The following EP400 variants were observed in gnomAD, a reference collection of about 807,000 sequenced individuals.
EP400 encodes E1A-binding protein p400.
Under a neutral mutation model 354.1 loss-of-function variants are expected in EP400, and 105 were observed. That is an observed-to-expected ratio of 0.30 (90% CI 0.25 to 0.35). EP400 has a LOEUF of 0.35. Ranked by LOEUF, EP400 falls within the 10% of genes least tolerant of loss-of-function variation. The probability of loss-of-function intolerance (pLI) is 1.00; values close to 1 mark genes in which losing one functional copy is unlikely to be tolerated. For synonymous variants in EP400, 1,646 were observed against 1,716.9 expected, an observed-to-expected ratio of 0.96 and a Z score of 1.02; for missense variants, 3,280 against 4,121.0, an observed-to-expected ratio of 0.80 and a Z score of 5.59.
chr12:131,996,969 A>T (rs1246386158), intron 12 of EP400, among the ~76,000 whole-genome samples: 1 of 152,160 alleles, frequency 6.6e-6, no homozygotes, highest in African/African-American at 2.4e-5. Flanking sequence ...ATTTCAGCAT[A>T]CAGCAAGTCC....
intron 16 of EP400, among the ~76,000 whole-genome samples, chr12:132,012,732 T>TG (rs1893806054): frequency 6.6e-6 from 1 of 152,356 alleles, no homozygotes; most frequent in Middle Eastern, 3.4e-3. Flanking sequence ...CAGGATCCTC[T>TG]GCCATAATCT....
chr12:131,982,547 A>C, intron 5 of EP400, 69 bp downstream of exon 5: 1 of 1,516,944 alleles, frequency 6.6e-7, no homozygotes. Flanking sequence ...TGTGTTAGAC[A>C]GAGTGTCACA....
At position 132,013,571 on chromosome 12, in the gene EP400, A is replaced by G. The variant is rs1893832193; in HGVS notation, c.3693A>G (p.Pro1231=). ...GGACCATGGTGCACTTCCTGGTCCCAGGGATCTCCAGGCCCTACCTGAGCT... is the reference window on the plus strand; with the variant it reads ...GGACCATGGTGCACTTCCTGGTCCCGGGGATCTCCAGGCCCTACCTGAGCT... ...ELWTMVHFLV[P]GISRPYLSSP... is the part of the protein sequence containing the mutation. Residue 1231 remains proline, a synonymous_variant, in exon 18 of 53, where the codon CCA becomes CCG. Coordinates refer to ENST00000389561, the MANE Select transcript of EP400 (RefSeq NM_015409.5). The surrounding 1 kb of genome is among the most constrained non-coding windows in gnomAD (Gnocchi z 4.5). The G allele has an allele frequency of 6.2e-7, 1 of 1,613,854 alleles. No homozygotes were observed. The highest frequency in any genetic ancestry group is 8.5e-7 in the Non-Finnish European group (1 of 1,179,878).
chr12:132,005,012 C>T (rs959329894), intron 12 of EP400, 65 bp from the exon 13 acceptor site: 1 of 1,310,942 alleles, frequency 7.6e-7, no homozygotes, highest in Non-Finnish European at 1.1e-6. Context: ...GCTGCTGCTC[C>T]TTCCCAATTT....
rs192117464 is a variant in EP400 at position 131,967,273 on chromosome 12, C to T, written c.1335+5319C>T. ...GTGGGCGCCTGTAATCCCAACTACT[C>T]GGGAGGCTGAGGTAGGAGAATTGCT... On this transcript the variant is annotated intron_variant, in intron 2 of 52. Coordinates refer to ENST00000389561, the MANE Select transcript of EP400 (RefSeq NM_015409.5). Among the ~76,000 whole-genome samples the T allele has an allele frequency of 2.1e-3, 323 of 150,340 alleles. 1 individual carries two copies. The highest frequency in any genetic ancestry group is 6.0e-3 in the African/African-American group (247 of 40,880).
chr12:132,060,542 G>A (rs1446647341), intron 45 of EP400, among the ~76,000 whole-genome samples: 1 of 152,160 alleles, frequency 6.6e-6, no homozygotes, highest in Admixed American at 6.5e-5. Context: ...CAGTGAGGCC[G>A]GGAGCCAGCG....
chr12:131,984,982 T>C (rs1892805901), intron 5 of EP400, among the ~76,000 whole-genome samples: 1 of 152,222 alleles, frequency 6.6e-6, no homozygotes, highest in Non-Finnish European at 1.5e-5. Context: ...CATTTTACAA[T>C]GCACATAATA....
Position 132,017,856 on chromosome 12 carries a change from C to A in EP400, c.4110+135C>A. On this transcript the variant is annotated intron_variant, in intron 20 of 52. Coordinates refer to ENST00000389561, the MANE Select transcript of EP400 (RefSeq NM_015409.5). The surrounding 1 kb of genome is among the most constrained non-coding windows in gnomAD (Gnocchi z 5.0). ...AATTGCAGCTCCGCGATACATGGCA[C>A]CGTCTAGCAGCACTGATGGCCTGCC... The A allele has an allele frequency of 9.7e-7, 1 of 1,027,642 alleles. No individual in the cohort carries two copies. Among genetic ancestry groups the A allele is most frequent in the Non-Finnish European group, 1.4e-6 (1 of 723,306 alleles). 63.7% of individuals were successfully genotyped at this position (1,027,642 alleles called of 1,614,324 possible).
chr12:131,966,430 A>G lies in EP400; in HGVS notation c.1335+4476A>G, dbSNP rs138351640. On this transcript the variant is annotated intron_variant, in intron 2 of 52. Transcript: ENST00000389561. ...CTAAAATTGCAAAAATCAGCTGGGCATGGTGGCACACGCCTGTAATTCCAG... is the reference window on the plus strand; with the variant it reads ...CTAAAATTGCAAAAATCAGCTGGGCGTGGTGGCACACGCCTGTAATTCCAG... Among the ~76,000 whole-genome samples, 303 of 151,960 alleles carry G rather than the reference A, an allele frequency of 2.0e-3. 1 individual carries two copies. Among genetic ancestry groups the G allele is most frequent in the African/African-American group, 6.9e-3 (287 of 41,436 alleles).
Position 132,006,732 on chromosome 12 carries a change from G to A in EP400, c.3159G>A (p.Gly1053=), listed in dbSNP as rs151018549. The change falls in exon 15 of 53, where the codon GGG becomes GGA. Residue 1053 remains glycine, a synonymous_variant. Transcript: ENST00000389561. ...TTAATGCTCCATCTTTGTTGTATGG[G>A]GCTCTCAGAGATTATCAGAAGATTG... ...VKFNAPSLLY[G]ALRDYQKIGL... The A allele has an allele frequency of 1.9e-5, 30 of 1,610,636 alleles. No individual in the cohort carries two copies. The African/African-American group carries it at 3.5e-4, about 19-fold the overall frequency.
chr12:131,964,703 A>G (rs1013795814), intron 2 of EP400, among the ~76,000 whole-genome samples: 1 of 152,186 alleles, frequency 6.6e-6, no homozygotes, highest in Non-Finnish European at 1.5e-5. Flanking sequence ...TTTCATTCTC[A>G]TATATATACA....
rs370811289 is a variant in EP400 at position 132,026,111 on chromosome 12, T to C, written c.5014+307T>C. Among the ~76,000 whole-genome samples the C allele has an allele frequency of 2.0e-4, 31 of 152,316 alleles. No homozygotes were observed. In the East Asian group the frequency reaches 2.5e-3, roughly 12 times the overall value. ...GCTTGTTTGTATATCGCCAGTGTGC[T>C]CCGTTTCCCCTGGGAGTGGGAGTGT... On this transcript the variant is annotated intron_variant, in intron 25 of 52. Coordinates refer to ENST00000389561, the MANE Select transcript of EP400 (RefSeq NM_015409.5).
At chr12:131,979,458 A>C (rs568726677) in intron 2 of EP400, among the ~76,000 whole-genome samples, 141 of 152,272 alleles carry the variant, frequency 9.3e-4, no homozygotes, top group Non-Finnish European at 1.8e-3. Flanking sequence ...ATTCCATTAA[A>C]ACCAGAATAA....
At chr12:131,978,009 GCAACTAGTAA>G (rs1892541903) in intron 2 of EP400, among the ~76,000 whole-genome samples, 1 of 152,162 alleles carries the variant, frequency 6.6e-6, no homozygotes, top group African/African-American at 2.4e-5. Flanking sequence ...GAATAATTTA[GCAACTAGTAA>G]TTAAGTCCTT....
Position 132,060,020 on chromosome 12 carries a change from TAA to T in EP400, c.7885-2077_7885-2076del, listed in dbSNP as rs80274208. 6.4e-3 allele frequency among the ~76,000 whole-genome samples: 921 copies of T among 143,824 alleles called. 13 individuals are homozygous for T. The highest frequency in any genetic ancestry group is 0.022 in the African/African-American group (863 of 39,440). 94.4% of individuals were successfully genotyped at this position (143,824 alleles called of 152,430 possible). A position where few individuals can be genotyped will look rare whatever the true frequency, so the allele number is the denominator to read the frequency against. ...CCTGGGTGACAGAGCGAGACTCCGT[TAA>T]AAAAAAAAAAAAGTTATGCTTTCTA... On this transcript the variant is annotated intron_variant, in intron 45 of 52. Coordinates refer to ENST00000389561, the MANE Select transcript of EP400 (RefSeq NM_015409.5).
chr12:131,967,020 G>A (rs1456225602), intron 2 of EP400, among the ~76,000 whole-genome samples: 1 of 151,982 alleles, frequency 6.6e-6, no homozygotes, highest in African/African-American at 2.4e-5. Context: ...GGTGCAGTGA[G>A]TCGTGGACAT....
rs1205584952 is a variant in EP400, at chr12:132,043,379, G to A, written c.6283G>A (p.Asp2095Asn). 8.7e-6 allele frequency: 14 copies of A among 1,613,874 alleles called. No homozygotes were observed. The highest frequency in any genetic ancestry group is 1.1e-5 in the Non-Finnish European group (13 of 1,180,038). ...AQEGVLGPHT[D>N]ALSSDSENMP... is the part of the protein sequence containing the mutation. ...GGAGGGGGTGCTGGGACCACACACT[G>A]ATGCTCTGTCATCAGACTCTGAGAA... Residue 2095 changes from aspartate (D) to asparagine (N), a missense_variant, in exon 33 of 53, where the codon GAT (aspartate) becomes AAT (asparagine). By Grantham distance (23) the Asp-to-Asn change is conservative (BLOSUM62 1). This residue lies in a region of EP400 where 54 missense variants were observed against 41.3 expected (regional missense o/e 1.31). Transcript: ENST00000389561.
rs1046828478 is a variant in EP400 at position 132,067,234 on chromosome 12, C to T, written c.8750-128C>T. The T allele has an allele frequency of 2.9e-6, 4 of 1,378,278 alleles. No individual in the cohort carries two copies. In the African/African-American group the frequency reaches 5.8e-5, roughly 20 times the overall value. The allele number at this position is 1,378,278 out of a possible 1,614,324, so 85.4% of individuals were successfully genotyped here. A position where few individuals can be genotyped will look rare whatever the true frequency, so the allele number is the denominator to read the frequency against. ...ACATTTTAATGTAGTTAAGGGATGGCTTACTTGTCTCCATAGAGTTTCATA... is the reference window on the plus strand; with the variant it reads ...ACATTTTAATGTAGTTAAGGGATGGTTTACTTGTCTCCATAGAGTTTCATA... On this transcript the variant is annotated intron_variant, in intron 49 of 52. Coordinates refer to ENST00000389561, the MANE Select transcript of EP400 (RefSeq NM_015409.5). This position sits in a 1 kb window ranked among gnomAD's most constrained non-coding sequence, Gnocchi z 5.3.
Position 132,006,431 on chromosome 12 carries a change from A to G in EP400, c.3126+129A>G, listed in dbSNP as rs1051545367. Reference sequence around the variant, plus strand: ...CAACTGCAGAGTTGTCAGAAAAAGCAATTCTTCATGTGCCTGTAGTCCCAG... The same window carrying G: ...CAACTGCAGAGTTGTCAGAAAAAGCGATTCTTCATGTGCCTGTAGTCCCAG... On this transcript the variant is annotated intron_variant, in intron 14 of 52. Transcript: ENST00000389561. The G allele has an allele frequency of 5.1e-6, 6 of 1,172,458 alleles. No individual in the cohort carries two copies. In the South Asian group the frequency reaches 6.4e-5, roughly 12 times the overall value. 72.6% of individuals were successfully genotyped at this position (1,172,458 alleles called of 1,614,324 possible).
Sources: allele counts gnomAD v4.1 joint callset (sites outside exome capture counted in the v4.1 genomes callset), GRCh38; gene constraint gnomAD v4.1.1; regional missense constraint gnomAD v4.1.1; non-coding constraint Gnocchi (gnomAD v3.1); transcripts MANE v1.5; gene names NCBI Gene and HGNC (gene_info 2026-07-23, HGNC 2026-07-21).